Variants in CDK8 observed in about 807,000 individuals in gnomAD.
CDK8 encodes cyclin-dependent kinase 8.
CDK8 carries 29 observed loss-of-function variants against 71.5 expected under a neutral mutation model. That is an observed-to-expected ratio of 0.41 (90% CI 0.30 to 0.55). The LOEUF is 0.55. Among genes scored for constraint, CDK8 ranks in the 20% least tolerant of loss-of-function variants. CDK8 has a pLI of 0.37. For synonymous variants in CDK8, 161 were observed against 192.1 expected (o/e 0.84, Z 1.34); for missense variants, 288 against 572.6 (o/e 0.50, Z 5.07).
chr13:26,401,223 T>C lies in CDK8; in HGVS notation c.1032-46T>C. 1 of 1,366,440 alleles carries C rather than the reference T, an allele frequency of 7.3e-7. No individual in the cohort carries two copies. Among genetic ancestry groups the C allele is most frequent in the Non-Finnish European group, 1.0e-6 (1 of 966,494 alleles). The allele number at this position is 1,366,440 out of a possible 1,614,324, so 84.6% of individuals were successfully genotyped here. A position where few individuals can be genotyped will look rare whatever the true frequency, so the allele number is the denominator to read the frequency against. Reference sequence around the variant, plus strand: ...AATCTCCTAAATGAAGCATTTGGAATATTGATTAGTATACCAGAAATGGTT... The same window carrying C: ...AATCTCCTAAATGAAGCATTTGGAACATTGATTAGTATACCAGAAATGGTT... On this transcript the variant is annotated intron_variant, in intron 10 of 12. Transcript: ENST00000381527. The surrounding 1 kb of genome is among the most constrained non-coding windows in gnomAD (Gnocchi z 4.5).
At chr13:26,350,271 T>G (rs1163829386) in intron 3 of CDK8, among the ~76,000 whole-genome samples, 1 of 152,198 alleles carries the variant, frequency 6.6e-6, no homozygotes, top group African/African-American at 2.4e-5. Flanking sequence ...TATTACAAAA[T>G]AAGATTCGTG....
chr13:26,280,095 T>C lies in CDK8; in HGVS notation c.128+25326T>C, dbSNP rs561879996. ...TATTAGGTTTAAACATTTTAAAATA[T>C]TACATTTTTCAAAACATGATTTTTA... On this transcript the variant is annotated intron_variant, in intron 1 of 12. Coordinates refer to ENST00000381527, the MANE Select transcript of CDK8 (RefSeq NM_001260.3). 2.0e-5 allele frequency among the ~76,000 whole-genome samples: 3 copies of C among 152,356 alleles called. No homozygotes were observed. The South Asian group carries it at 6.2e-4, about 32-fold the overall frequency.
At position 26,269,266 on chromosome 13, in the gene CDK8, A is replaced by G. The variant is rs573395210; in HGVS notation, c.128+14497A>G. Among the ~76,000 whole-genome samples, 7 of 152,352 alleles carry G rather than the reference A, an allele frequency of 4.6e-5. No individual in the cohort carries two copies. The South Asian group carries it at 1.4e-3, about 32-fold the overall frequency. On this transcript the variant is annotated intron_variant, in intron 1 of 12. Transcript: ENST00000381527. Reference sequence around the variant, plus strand: ...ACAATGACTGCTTAATAGACTTTGGAAAGTACTCCTTATAGATAGGAAGCT... The same window carrying G: ...ACAATGACTGCTTAATAGACTTTGGGAAGTACTCCTTATAGATAGGAAGCT...
At chr13:26,383,484 TA>T (rs1875328736) in intron 5 of CDK8, among the ~76,000 whole-genome samples, 1 of 152,236 alleles carries the variant, frequency 6.6e-6, no homozygotes, top group Non-Finnish European at 1.5e-5. Flanking sequence ...TCTGTAAGGA[TA>T]AAACTAAGTT....
chr13:26,315,495 C>T (rs923784581), intron 1 of CDK8, among the ~76,000 whole-genome samples: 2 of 152,114 alleles, frequency 1.3e-5, no homozygotes, highest in Admixed American at 1.3e-4. Context: ...AGTCTATTAG[C>T]TCATGTAGCT....
intron 6 of CDK8, 120 bp from the exon 7 acceptor site, chr13:26,393,247 C>T (rs888500469): frequency 1.2e-5 from 7 of 607,532 alleles, no homozygotes; most frequent in African/African-American, 7.6e-5. Context: ...AAGAAAAAAA[C>T]ACTCCCCAAG....
chr13:26,263,265 A>G (rs1449802158), intron 1 of CDK8, among the ~76,000 whole-genome samples: 2 of 151,498 alleles, frequency 1.3e-5, no homozygotes, highest in Non-Finnish European at 2.9e-5. Context: ...CCTCCCGAGT[A>G]GCTGGGACTA....
At chr13:26,297,581 A>G (rs1873617417) in intron 1 of CDK8, among the ~76,000 whole-genome samples, 1 of 152,112 alleles carries the variant, frequency 6.6e-6, no homozygotes, top group Admixed American at 6.6e-5. Context: ...ACGTGAGTAT[A>G]AGGAGTCTTA....
chr13:26,369,631 C>T (rs1874564989), intron 4 of CDK8, among the ~76,000 whole-genome samples: 1 of 147,788 alleles, frequency 6.8e-6, no homozygotes, highest in Non-Finnish European at 1.5e-5. Context: ...TGGGTTCATG[C>T]CATTCTCCTA....
At chr13:26,334,513 T>C (rs1872895108) in intron 1 of CDK8, among the ~76,000 whole-genome samples, 1 of 152,170 alleles carries the variant, frequency 6.6e-6, no homozygotes. Context: ...ACAGATCCTC[T>C]TAATGTCTTT....
intron 1 of CDK8, among the ~76,000 whole-genome samples, chr13:26,320,137 T>C (rs904838972): frequency 3.3e-5 from 5 of 152,060 alleles, no homozygotes; most frequent in Admixed American, 1.3e-4. Flanking sequence ...TAGTGGCTCA[T>C]GCTTGTAATC....
intron 1 of CDK8, among the ~76,000 whole-genome samples, chr13:26,272,217 C>T (rs868066737): frequency 5.0e-4 from 76 of 151,638 alleles, no homozygotes; most frequent in African/African-American, 1.3e-3. Context: ...TTTGGCTGGG[C>T]GTAGTGGGTC....
At chr13:26,384,339 T>C (rs1428322297) in intron 5 of CDK8, among the ~76,000 whole-genome samples, 2 of 152,094 alleles carry the variant, frequency 1.3e-5, no homozygotes, top group East Asian at 3.9e-4. Context: ...ACTTATCAAA[T>C]GGTGGGTGAA....
At chr13:26,330,328 C>CCCTAGTAG (rs1875252673) in intron 1 of CDK8, among the ~76,000 whole-genome samples, 1 of 152,122 alleles carries the variant, frequency 6.6e-6, no homozygotes, top group African/African-American at 2.4e-5. Context: ...GCTTCGGCCT[C>CCCTAGTAG]CCTAGTAGCT....
rs146098579 is a variant in CDK8 at position 26,316,251 on chromosome 13, T to C, written c.129-21316T>C. Reference sequence around the variant, plus strand: ...TGCACATACCTGTAGTCCCAGCTACTTGGGAGACTGAGGTGGGAGGATCAC... The same window carrying C: ...TGCACATACCTGTAGTCCCAGCTACCTGGGAGACTGAGGTGGGAGGATCAC... On this transcript the variant is annotated intron_variant, in intron 1 of 12. Transcript: ENST00000381527. 9.7e-3 allele frequency among the ~76,000 whole-genome samples: 1,474 copies of C among 152,234 alleles called. 13 individuals are homozygous for C. The highest frequency in any genetic ancestry group is 0.017 in the Non-Finnish European group (1,165 of 67,994).
At chr13:26,318,757 C>G (rs1874628120) in intron 1 of CDK8, among the ~76,000 whole-genome samples, 1 of 152,098 alleles carries the variant, frequency 6.6e-6, no homozygotes, top group South Asian at 2.1e-4. Context: ...AAATTGATCA[C>G]CCTTTCATCA....
rs1220300853 is a variant in CDK8, at chr13:26,395,371, TA to T, written c.791-913del. Among the ~76,000 whole-genome samples, 9 of 151,598 alleles carry T rather than the reference TA, an allele frequency of 5.9e-5. 1 individual carries two copies. The highest frequency in any genetic ancestry group is 4.4e-5 in the Non-Finnish European group (3 of 67,952). On this transcript the variant is annotated intron_variant, in intron 7 of 12. Transcript: ENST00000381527. ...GGGATTACATGCCTGTAATCCCAGC[TA>T]CTCTGGAGGCTGAGGCAGGGGAATC...
At chr13:26,333,700 C>A (rs1214880111) in intron 1 of CDK8, among the ~76,000 whole-genome samples, 1 of 152,084 alleles carries the variant, frequency 6.6e-6, no homozygotes, top group Non-Finnish European at 1.5e-5. Context: ...TAAAATGAAT[C>A]CTGTGTTTAA....
In CDK8 at chr13:26,404,187, C is replaced by T; in HGVS notation, c.*106C>T. 7.7e-7 allele frequency: 1 copy of T among 1,303,444 alleles called. No individual in the cohort carries two copies. The highest frequency in any genetic ancestry group is 1.0e-6 in the Non-Finnish European group (1 of 956,810). 80.7% of individuals were successfully genotyped at this position (1,303,444 alleles called of 1,614,324 possible). A position where few individuals can be genotyped will look rare whatever the true frequency, so the allele number is the denominator to read the frequency against. On this transcript the variant is annotated 3_prime_UTR_variant, in exon 13 of 13. Coordinates refer to ENST00000381527, the MANE Select transcript of CDK8 (RefSeq NM_001260.3). ...GCCATGAGAATGTACTGTACAACCA[C>T]ATCTTCAAAATGTCCAGTAGCCAAG...
Sources: gnomAD v4.1 joint callset for allele counts (sites outside exome capture counted in the v4.1 genomes callset) on GRCh38, gnomAD v4.1.1 for gene constraint, Gnocchi (gnomAD v3.1) non-coding constraint, MANE v1.5 for transcripts, NCBI Gene and HGNC (gene_info 2026-07-23, HGNC 2026-07-21) for gene names.